Variants in C1QTNF3 observed in about 807,000 individuals in gnomAD.
The protein encoded by C1QTNF3 is complement C1q tumor necrosis factor-related protein 3.
C1QTNF3 carries 26 observed loss-of-function variants against 32.6 expected under a neutral mutation model. The ratio of observed to expected loss-of-function variants is 0.80; its 90% CI spans 0.58 to 1.11. The LOEUF (loss-of-function observed/expected upper bound fraction) is 1.11. C1QTNF3 is among the 50% of genes least tolerant of loss of function. The pLI is 0.00. For synonymous variants in C1QTNF3, 155 were observed against 146.0 expected (o/e 1.06, Z -0.44); for missense variants, 362 against 398.2 (o/e 0.91, Z 0.77).
the C1QTNF3 span, among the ~76,000 whole-genome samples, chr5:34,234,521 G>A: frequency 4.6e-5 from 7 of 152,216 alleles, no homozygotes; most frequent in East Asian, 5.8e-4. Flanking sequence ...GTTTCATGAC[G>A]TGCAGTTCTC....
the C1QTNF3 span, among the ~76,000 whole-genome samples, chr5:34,179,734 G>A: frequency 0.014 from 1,867 of 133,520 alleles, no homozygotes; most frequent in East Asian, 0.059. Flanking sequence ...CAAAAATGAG[G>A]TTCACTTCCT....
the C1QTNF3 span, among the ~76,000 whole-genome samples, chr5:34,143,585 A>AC: frequency 6.6e-6 from 1 of 152,140 alleles, no homozygotes; most frequent in Non-Finnish European, 1.5e-5. Flanking sequence ...CTGGCAATGG[A>AC]CCTCTCAGTA....
the C1QTNF3 span, among the ~76,000 whole-genome samples, chr5:34,176,517 T>C: frequency 6.6e-6 from 1 of 152,132 alleles, no homozygotes; most frequent in Non-Finnish European, 1.5e-5. Flanking sequence ...TATAATCTGA[T>C]ACTCAATTTT....
At chr5:34,163,570 G>A in the C1QTNF3 span, among the ~76,000 whole-genome samples, 5 of 151,934 alleles carry the variant, frequency 3.3e-5, no homozygotes, top group African/African-American at 1.2e-4. Flanking sequence ...ATTGAAAAGT[G>A]CTTAAAATGA....
At chr5:34,145,761 T>C in the C1QTNF3 span, among the ~76,000 whole-genome samples, 1 of 145,832 alleles carries the variant, frequency 6.9e-6, no homozygotes. Flanking sequence ...CTCAACAAAA[T>C]ACTAGCATAC....
At chr5:34,226,628 T>G in the C1QTNF3 span, among the ~76,000 whole-genome samples, 5,098 of 151,430 alleles carry the variant, frequency 0.034, 302 homozygotes, top group African/African-American at 0.12. Flanking sequence ...ACACAAGGTT[T>G]AGGGGCATCA....
the C1QTNF3 span, among the ~76,000 whole-genome samples, chr5:34,209,330 A>C: frequency 6.6e-6 from 1 of 151,510 alleles, no homozygotes; most frequent in Non-Finnish European, 1.5e-5. Flanking sequence ...CATAGGCTTA[A>C]TGCCTGGGTG....
At chr5:34,156,267 C>T in the C1QTNF3 span, among the ~76,000 whole-genome samples, 6 of 152,154 alleles carry the variant, frequency 3.9e-5, no homozygotes, top group South Asian at 2.1e-4. Flanking sequence ...GATGGGGTTT[C>T]GCCATGTTAG....
chr5:34,215,833 A>T, the C1QTNF3 span, among the ~76,000 whole-genome samples: 5,649 of 152,170 alleles, frequency 0.037, 355 homozygotes, highest in African/African-American at 0.13. Flanking sequence ...GGATCTCACT[A>T]TGTTGACCAG....
chr5:34,024,401 G>A (rs369353983), intron 4 of C1QTNF3: 2 of 176,284 alleles, frequency 1.1e-5, no homozygotes, highest in African/African-American at 4.7e-5. Flanking sequence ...GAACAACGAT[G>A]CTCCATGACT....
At chr5:34,161,424 T>G in the C1QTNF3 span, among the ~76,000 whole-genome samples, 1 of 151,356 alleles carries the variant, frequency 6.6e-6, no homozygotes, top group Non-Finnish European at 1.5e-5. Flanking sequence ...GGTTTTTCAA[T>G]TGTTAAAAAA....
the C1QTNF3 span, among the ~76,000 whole-genome samples, chr5:34,209,204 A>G: frequency 1.3e-5 from 2 of 152,232 alleles, no homozygotes; most frequent in African/African-American, 4.8e-5. Context: ...AAATGAGAAT[A>G]GCCTGGTGGC....
At chr5:34,044,783 C>A (rs771967251), upstream of C1QTNF3, among the ~76,000 whole-genome samples, 7 of 152,198 alleles carry the variant, frequency 4.6e-5, no homozygotes, top group Non-Finnish European at 8.8e-5. Flanking sequence ...CATAAAAATT[C>A]AGCCATCTCT....
the C1QTNF3 span, among the ~76,000 whole-genome samples, chr5:34,212,719 C>G: frequency 6.7e-6 from 1 of 150,084 alleles, no homozygotes; most frequent in East Asian, 2.0e-4. Context: ...CATCTCACAC[C>G]AGTTAGAATG....
chr5:34,176,596 C>T, the C1QTNF3 span, among the ~76,000 whole-genome samples: 1 of 152,096 alleles, frequency 6.6e-6, no homozygotes. Context: ...AAAAATACGT[C>T]TTTAGGTCAG....
chr5:34,086,378 TGTATACGTCTGTAA>T, the C1QTNF3 span, among the ~76,000 whole-genome samples: 2 of 126,810 alleles, frequency 1.6e-5, no homozygotes, highest in Admixed American at 8.2e-5. Flanking sequence ...CCATGGCCCA[TGTATACGTCTGTAA>T]CAAACCTGCA....
At chr5:34,170,705 G>C in the C1QTNF3 span, among the ~76,000 whole-genome samples, 1 of 152,128 alleles carries the variant, frequency 6.6e-6, no homozygotes, top group Non-Finnish European at 1.5e-5. Flanking sequence ...GCAGTCATTA[G>C]TTGGTATAAT....
the C1QTNF3 span, among the ~76,000 whole-genome samples, chr5:34,210,703 T>C: frequency 2.6e-5 from 4 of 152,058 alleles, no homozygotes; most frequent in Non-Finnish European, 5.9e-5. Flanking sequence ...ATAAATATGA[T>C]ACAACAGATA....
At chr5:34,036,829 G>A (rs1754753860) in intron 1 of C1QTNF3, among the ~76,000 whole-genome samples, 1 of 152,086 alleles carries the variant, frequency 6.6e-6, no homozygotes, top group African/African-American at 2.4e-5. Context: ...GTGCATGCCT[G>A]TAATCCCAGC....
Sources: allele counts gnomAD v4.1 joint callset (sites outside exome capture counted in the v4.1 genomes callset), GRCh38; gene constraint gnomAD v4.1.1; transcripts MANE v1.5; gene names NCBI Gene and HGNC (gene_info 2026-07-23, HGNC 2026-07-21).